PDE4D: variants seen among roughly 807,000 people sequenced by gnomAD.
PDE4D encodes phosphodiesterase 4D, also known as 3',5'-cyclic-AMP phosphodiesterase 4D.
A neutral mutation model predicts 87.4 loss-of-function variants in PDE4D; 24 were observed. The ratio of observed to expected loss-of-function variants is 0.27; its 90% CI spans 0.20 to 0.39. The LOEUF is 0.39. Among genes scored for constraint, PDE4D ranks in the 10% least tolerant of loss-of-function variants. The probability of loss-of-function intolerance (pLI) is 1.00; values close to 1 mark genes in which losing one functional copy is unlikely to be tolerated. For missense variants in PDE4D, 714 were observed against 1,041.0 expected (o/e 0.69, Z 4.32); for synonymous variants, 384 against 383.2 (o/e 1.00, Z -0.02).
intron 5 of PDE4D, among the ~76,000 whole-genome samples, chr5:59,177,061 C>T (rs780449946): frequency 2.0e-5 from 3 of 152,126 alleles, no homozygotes; most frequent in Non-Finnish European, 2.9e-5. Flanking sequence ...CCCCTTGTTA[C>T]GGAATGAGTG....
intron 1 of PDE4D, among the ~76,000 whole-genome samples, chr5:59,619,953 GT>G (rs1411783378): frequency 6.6e-6 from 1 of 152,144 alleles, no homozygotes; most frequent in Non-Finnish European, 1.5e-5. Flanking sequence ...TGAAGGAAGT[GT>G]TTTAAGTATG....
intron 2 of PDE4D, among the ~76,000 whole-genome samples, chr5:60,118,137 T>G (rs1221413679): frequency 6.6e-6 from 1 of 152,194 alleles, no homozygotes; most frequent in Admixed American, 6.6e-5. Context: ...CTGTCTTTTC[T>G]CTATTTTCTA....
At chr5:59,039,331 C>T (rs1759185171) in intron 5 of PDE4D, 1 of 1,037,730 alleles carries the variant, frequency 9.6e-7, no homozygotes, top group African/African-American at 1.7e-5. Flanking sequence ...CCGGCTCTAG[C>T]GGATGGCGAG....
chr5:59,023,172 C>T (rs548151610), intron 6 of PDE4D, among the ~76,000 whole-genome samples: 54 of 143,774 alleles, frequency 3.8e-4, no homozygotes, highest in Admixed American at 1.2e-3. Context: ...AAGACTCTAA[C>T]TCAAGGAAAA....
At chr5:59,953,559 T>G (rs779126427) in intron 3 of PDE4D, among the ~76,000 whole-genome samples, 1 of 152,216 alleles carries the variant, frequency 6.6e-6, no homozygotes, top group Non-Finnish European at 1.5e-5. Flanking sequence ...AGTTATATTC[T>G]TCAGTAAGCT....
intron 1 of PDE4D, among the ~76,000 whole-genome samples, chr5:60,227,734 G>A (rs1745297726): frequency 6.6e-6 from 1 of 151,980 alleles, no homozygotes; most frequent in Non-Finnish European, 1.5e-5. Flanking sequence ...CTCTTAAATT[G>A]GTTCTCCACA....
chr5:59,675,521 C>A (rs1160304086), intron 1 of PDE4D, among the ~76,000 whole-genome samples: 7 of 152,150 alleles, frequency 4.6e-5, no homozygotes, highest in African/African-American at 1.7e-4. Flanking sequence ...GCCCTCTGAC[C>A]TGGGTTCAAA....
intron 1 of PDE4D, among the ~76,000 whole-genome samples, chr5:59,758,960 A>C (rs1294246024): frequency 6.6e-6 from 1 of 152,200 alleles, no homozygotes; most frequent in Non-Finnish European, 1.5e-5. Context: ...TGAATAACTA[A>C]GGTCAAGTAT....
At chr5:59,501,723 A>G (rs1209166965) in intron 1 of PDE4D, among the ~76,000 whole-genome samples, 4 of 152,186 alleles carry the variant, frequency 2.6e-5, no homozygotes, top group Non-Finnish European at 2.9e-5. Context: ...TCAGCACAGT[A>G]TGGTGATGGT....
chr5:59,543,780 G>A (rs985079765), intron 1 of PDE4D, among the ~76,000 whole-genome samples: 1 of 152,028 alleles, frequency 6.6e-6, no homozygotes, highest in Non-Finnish European at 1.5e-5. Context: ...TCCACGTCAG[G>A]CAAACTTTGC....
chr5:59,675,504 C>T (rs1303960506), intron 1 of PDE4D, among the ~76,000 whole-genome samples: 1 of 152,110 alleles, frequency 6.6e-6, no homozygotes, highest in African/African-American at 2.4e-5. Flanking sequence ...AGTGAAAGGG[C>T]TTTGGAGCCC....
intron 1 of PDE4D, among the ~76,000 whole-genome samples, chr5:59,350,836 G>A (rs1439549328): frequency 6.6e-6 from 1 of 152,156 alleles, no homozygotes; most frequent in African/African-American, 2.4e-5. Context: ...ATAGCTATAA[G>A]TGATAATGTG....
At chr5:59,072,256 A>T (rs1764970065) in intron 5 of PDE4D, among the ~76,000 whole-genome samples, 1 of 152,110 alleles carries the variant, frequency 6.6e-6, no homozygotes, top group African/African-American at 2.4e-5. Flanking sequence ...AGGTTATATC[A>T]ATCTCCTGTC....
intron 2 of PDE4D, among the ~76,000 whole-genome samples, chr5:60,090,755 C>T (rs1775038819): frequency 1.3e-5 from 2 of 152,192 alleles, no homozygotes; most frequent in African/African-American, 2.4e-5. Context: ...TCACAGATGA[C>T]ATGATCCTAT....
intron 1 of PDE4D, among the ~76,000 whole-genome samples, chr5:60,286,106 A>G (rs568124677): frequency 3.9e-5 from 6 of 152,162 alleles, no homozygotes; most frequent in Non-Finnish European, 8.8e-5. Flanking sequence ...TACCGTCACC[A>G]TGAATTCAGG....
chr5:59,012,667 C>A (rs1193830173), intron 6 of PDE4D, among the ~76,000 whole-genome samples: 3 of 152,158 alleles, frequency 2.0e-5, no homozygotes, highest in African/African-American at 7.2e-5. Flanking sequence ...TCCTTAGAGA[C>A]CTACTAAGAG....
At chr5:60,410,440 T>A (rs968352460) in intron 1 of PDE4D, among the ~76,000 whole-genome samples, 2 of 152,152 alleles carry the variant, frequency 1.3e-5, no homozygotes, top group Non-Finnish European at 2.9e-5. Context: ...AGACAGAGCA[T>A]TATCTAAAAT....
intron 2 of PDE4D, among the ~76,000 whole-genome samples, chr5:60,070,179 T>G (rs1019695546): frequency 3.9e-5 from 6 of 152,138 alleles, no homozygotes; most frequent in African/African-American, 1.4e-4. Flanking sequence ...TTACTTTTTT[T>G]CTTACCCAAT....
At chr5:59,591,101 C>G (rs1825859765) in intron 1 of PDE4D, among the ~76,000 whole-genome samples, 1 of 152,080 alleles carries the variant, frequency 6.6e-6, no homozygotes, top group African/African-American at 2.4e-5. Flanking sequence ...AACAAGAGCT[C>G]TTCTGCTTTA....
Sources: allele counts gnomAD v4.1 joint callset (sites outside exome capture counted in the v4.1 genomes callset), GRCh38; gene constraint gnomAD v4.1.1; transcripts MANE v1.5; gene names NCBI Gene and HGNC (gene_info 2026-07-23, HGNC 2026-07-21).